The following TACR1 variants were observed in gnomAD, a reference collection of about 807,000 sequenced individuals.
TACR1 encodes tachykinin receptor 1.
TACR1 carries 25 observed loss-of-function variants against 35.8 expected under a neutral mutation model. The observed-to-expected ratio is 0.70, with a 90% CI of 0.51 to 0.98. The LOEUF (loss-of-function observed/expected upper bound fraction) is 0.98. Among genes scored for constraint, TACR1 ranks in the 50% least tolerant of loss-of-function variants. TACR1 has a pLI of 0.00. For synonymous variants in TACR1, 195 were observed against 206.7 expected, an observed-to-expected ratio of 0.94 and a Z score of 0.48; for missense variants, 478 against 522.9, an observed-to-expected ratio of 0.91 and a Z score of 0.84.
intron 1 of TACR1, among the ~76,000 whole-genome samples, chr2:75,141,383 A>G (rs1674398767): frequency 6.6e-6 from 1 of 152,206 alleles, no homozygotes; most frequent in African/African-American, 2.4e-5. Flanking sequence ...ACCGCTTTAC[A>G]ACACTTACAA....
At chr2:75,195,170 T>C (rs1017186857) in intron 1 of TACR1, among the ~76,000 whole-genome samples, 8 of 152,344 alleles carry the variant, frequency 5.3e-5, no homozygotes, top group African/African-American at 1.9e-4. Context: ...AGAGAAATTA[T>C]AGAGTTTCAA....
chr2:75,117,117 T>C (rs1166134732), intron 2 of TACR1, among the ~76,000 whole-genome samples: 1 of 139,744 alleles, frequency 7.2e-6, no homozygotes, highest in Non-Finnish European at 1.5e-5. Context: ...CTCATAATAT[T>C]TATTGACTTT....
intron 2 of TACR1, among the ~76,000 whole-genome samples, chr2:75,094,859 A>ATATATATATATTTTTTT: frequency 5.3e-5 from 6 of 113,108 alleles, no homozygotes; most frequent in African/African-American, 2.4e-4. Flanking sequence ...ATATATATAT[A>ATATATATATATTTTTTT]TTTTTTTTTT....
intron 2 of TACR1, among the ~76,000 whole-genome samples, chr2:75,087,071 C>T (rs553716406): frequency 6.6e-6 from 1 of 152,288 alleles, no homozygotes; most frequent in East Asian, 1.9e-4. Flanking sequence ...AAGACAAGTA[C>T]ACACCCACAC....
In TACR1 at chr2:75,053,745, A is replaced by C; in HGVS notation, c.595T>G (p.Cys199Gly). ...AGGAAGTAGATCAGCACAGTCACAC[A>C]GATGTGGTACCTACAGCAAGGTAAA... ...NKIYEKVYHI[C>G]VTVLIYFLPL... is the part of the protein sequence containing the mutation. The change falls in exon 3 of 5, where the codon TGT becomes GGT. Residue 199 changes from cysteine to glycine, a missense_variant. Cys to Gly is a radical substitution (Grantham distance 159, BLOSUM62 -3). Coordinates refer to ENST00000305249, the MANE Select transcript of TACR1 (RefSeq NM_001058.4). 6.2e-7 allele frequency: 1 copy of C among 1,614,220 alleles called. No individual in the cohort carries two copies. Among genetic ancestry groups the C allele is most frequent in the Non-Finnish European group, 8.5e-7 (1 of 1,180,028 alleles).
chr2:75,146,211 G>A (rs1027946569), intron 1 of TACR1, among the ~76,000 whole-genome samples: 6 of 152,034 alleles, frequency 3.9e-5, no homozygotes, highest in Non-Finnish European at 7.4e-5. Context: ...CAACCTCCAC[G>A]TCCCAGGTTC....
intron 1 of TACR1, among the ~76,000 whole-genome samples, chr2:75,124,710 C>G (rs1229603709): frequency 6.6e-6 from 1 of 152,222 alleles, no homozygotes; most frequent in Non-Finnish European, 1.5e-5. Flanking sequence ...TTGGGCATGG[C>G]TGTATGATAA....
At chr2:75,182,962 CT>C (rs1675593497) in intron 1 of TACR1, among the ~76,000 whole-genome samples, 1 of 152,190 alleles carries the variant, frequency 6.6e-6, no homozygotes, top group African/African-American at 2.4e-5. Flanking sequence ...GGATTAATGT[CT>C]TATTAATACT....
chr2:75,137,285 A>G (rs985844198), intron 1 of TACR1, among the ~76,000 whole-genome samples: 1 of 152,182 alleles, frequency 6.6e-6, no homozygotes, highest in African/African-American at 2.4e-5. Context: ...AGCTTATTTT[A>G]TTTCACTTCT....
chr2:75,125,376 G>A (rs1674052896), intron 1 of TACR1, among the ~76,000 whole-genome samples: 1 of 151,934 alleles, frequency 6.6e-6, no homozygotes, highest in Non-Finnish European at 1.5e-5. Context: ...AGTAGAGAAG[G>A]GGTTTCACCA....
chr2:75,131,711 G>T (rs1978363), intron 1 of TACR1, among the ~76,000 whole-genome samples: 64,471 of 151,884 alleles, frequency 0.42, 14,579 homozygotes, highest in Non-Finnish European at 0.49. Flanking sequence ...ATACAGTAAC[G>T]GAACTAATTT....
intron 2 of TACR1, among the ~76,000 whole-genome samples, chr2:75,072,450 G>A (rs1414145778): frequency 6.6e-6 from 1 of 152,176 alleles, no homozygotes; most frequent in Non-Finnish European, 1.5e-5. Flanking sequence ...AAAATATAAG[G>A]AAAATATAGG....
At chr2:75,114,761 A>G (rs1572938487) in intron 2 of TACR1, among the ~76,000 whole-genome samples, 1 of 152,210 alleles carries the variant, frequency 6.6e-6, no homozygotes, top group African/African-American at 2.4e-5. Flanking sequence ...CTTCCTGTGT[A>G]GTGTCATAGT....
chr2:75,091,412 A>G (rs992968241), intron 2 of TACR1, among the ~76,000 whole-genome samples: 2 of 152,082 alleles, frequency 1.3e-5, no homozygotes, highest in Non-Finnish European at 2.9e-5. Context: ...TTCATGACCA[A>G]TAATAACATG....
intron 1 of TACR1, among the ~76,000 whole-genome samples, chr2:75,121,505 C>A (rs538606166): frequency 6.6e-6 from 1 of 152,188 alleles, no homozygotes; most frequent in African/African-American, 2.4e-5. Flanking sequence ...ATTCCTCCAT[C>A]GCTTCATTCC....
At chr2:75,150,354 A>C (rs1572959097) in intron 1 of TACR1, among the ~76,000 whole-genome samples, 1 of 152,246 alleles carries the variant, frequency 6.6e-6, no homozygotes, top group East Asian at 1.9e-4. Flanking sequence ...TCTCAACTTG[A>C]ATTGTATCTC....
At chr2:75,130,491 A>AT (rs1200715411) in intron 1 of TACR1, among the ~76,000 whole-genome samples, 2 of 152,180 alleles carry the variant, frequency 1.3e-5, no homozygotes, top group Non-Finnish European at 2.9e-5. Flanking sequence ...TGCTACAGTG[A>AT]TTTTGCTTTT....
At position 75,178,288 on chromosome 2, in the gene TACR1, G is replaced by A. The variant is rs529972039; in HGVS notation, c.389+20258C>T. ...CAACCTCTGCCTCCTGGGTTCAAGCGATTCTCCTGTCTCAGCCTCCCAAGT... is the reference window on the plus strand; with the variant it reads ...CAACCTCTGCCTCCTGGGTTCAAGCAATTCTCCTGTCTCAGCCTCCCAAGT... On this transcript the variant is annotated intron_variant, in intron 1 of 4. Coordinates refer to ENST00000305249, the MANE Select transcript of TACR1 (RefSeq NM_001058.4). 3.3e-3 allele frequency among the ~76,000 whole-genome samples: 494 copies of A among 151,746 alleles called. 1 individual carries two copies. Among genetic ancestry groups the A allele is most frequent in the Non-Finnish European group, 5.4e-3 (364 of 67,930 alleles).
At chr2:75,086,330 T>C (rs1306159686) in intron 2 of TACR1, among the ~76,000 whole-genome samples, 1 of 152,244 alleles carries the variant, frequency 6.6e-6, no homozygotes, top group Non-Finnish European at 1.5e-5. Flanking sequence ...TTCTAGTCCA[T>C]GATATGTTTT....
Sources: gnomAD v4.1 joint callset for allele counts (sites outside exome capture counted in the v4.1 genomes callset) on GRCh38, gnomAD v4.1.1 for gene constraint, MANE v1.5 for transcripts, NCBI Gene and HGNC (gene_info 2026-07-23, HGNC 2026-07-21) for gene names.